PDE4D: variants seen among roughly 807,000 people sequenced by gnomAD.
PDE4D encodes the protein 3',5'-cyclic-AMP phosphodiesterase 4D.
In PDE4D, 24 loss-of-function variants were observed where a neutral mutation model predicts 87.4. That is an observed-to-expected ratio of 0.27 (90% CI 0.20 to 0.39). The LOEUF (loss-of-function observed/expected upper bound fraction) is 0.39, where lower values mean the gene tolerates loss of function less well. Among genes scored for constraint, PDE4D ranks in the 10% least tolerant of loss-of-function variants. PDE4D has a pLI of 1.00. For missense variants in PDE4D, 714 were observed against 1,041.0 expected (o/e 0.69, Z 4.32); for synonymous variants, 384 against 383.2 (o/e 1.00, Z -0.02).
intron 2 of PDE4D, among the ~76,000 whole-genome samples, chr5:60,120,157 CT>C (rs1003444962): frequency 1.3e-5 from 2 of 152,218 alleles, no homozygotes; most frequent in African/African-American, 2.4e-5. Context: ...TATACTATTG[CT>C]TTTTTTAGCT....
At chr5:60,137,588 TC>T (rs1303109016) in intron 2 of PDE4D, among the ~76,000 whole-genome samples, 1 of 152,198 alleles carries the variant, frequency 6.6e-6, no homozygotes, top group Non-Finnish European at 1.5e-5. Context: ...ATGAATGTCT[TC>T]TTTTGAGAAG....
chr5:60,328,216 G>A (rs184354174), intron 1 of PDE4D, among the ~76,000 whole-genome samples: 1 of 152,244 alleles, frequency 6.6e-6, no homozygotes, highest in East Asian at 1.9e-4. Flanking sequence ...AATGGGGTGT[G>A]GTTGGCAGCA....
intron 1 of PDE4D, among the ~76,000 whole-genome samples, chr5:59,474,442 G>C (rs1035601380): frequency 6.6e-6 from 1 of 152,132 alleles, no homozygotes; most frequent in Non-Finnish European, 1.5e-5. Context: ...CACATGGTAA[G>C]ATTGCCCTTA....
intron 1 of PDE4D, among the ~76,000 whole-genome samples, chr5:59,668,709 C>T: frequency 7.5e-6 from 1 of 132,880 alleles, no homozygotes; most frequent in Non-Finnish European, 1.5e-5. Context: ...GAGACCCTGC[C>T]TCAAGAAAAA....
intron 2 of PDE4D, among the ~76,000 whole-genome samples, chr5:59,208,326 G>T (rs534153497): frequency 6.6e-6 from 1 of 152,190 alleles, no homozygotes; most frequent in Non-Finnish European, 1.5e-5. Context: ...TATATGTTTG[G>T]TCAGTTTTCA....
intron 5 of PDE4D, among the ~76,000 whole-genome samples, chr5:59,164,004 T>C (rs1781532829): frequency 6.6e-6 from 1 of 152,220 alleles, no homozygotes; most frequent in South Asian, 2.1e-4. Context: ...TACTTTAACA[T>C]TGTTTCAAAA....
At chr5:59,651,967 T>TA (rs1202129960) in intron 1 of PDE4D, among the ~76,000 whole-genome samples, 2 of 152,210 alleles carry the variant, frequency 1.3e-5, no homozygotes, top group African/African-American at 2.4e-5. Flanking sequence ...CAGCATCTAC[T>TA]ATCAAGTGAC....
intron 1 of PDE4D, among the ~76,000 whole-genome samples, chr5:59,480,817 T>C (rs1005775320): frequency 1.3e-5 from 2 of 152,204 alleles, no homozygotes; most frequent in Non-Finnish European, 2.9e-5. Flanking sequence ...GTGTAGTTCC[T>C]GCCTTTGTGT....
intron 1 of PDE4D, among the ~76,000 whole-genome samples, chr5:59,357,439 G>A (rs1781565626): frequency 6.6e-6 from 1 of 152,114 alleles, no homozygotes; most frequent in Middle Eastern, 3.2e-3. Context: ...TCCACAGGAT[G>A]TAAACAGGAT....
intron 1 of PDE4D, among the ~76,000 whole-genome samples, chr5:59,862,114 C>T (rs1430223534): frequency 6.6e-6 from 1 of 152,148 alleles, no homozygotes; most frequent in African/African-American, 2.4e-5. Context: ...TCTCCTTACT[C>T]CTGAGTGTTA....
chr5:59,771,499 G>GAGAGAGAGAGAAGAAAGAAAGA (rs1554081503), intron 1 of PDE4D, among the ~76,000 whole-genome samples: 1 of 19,728 alleles, frequency 5.1e-5, no homozygotes, highest in Non-Finnish European at 1.2e-4. Flanking sequence ...GAGAGAGAGA[G>GAGAGAGAGAGAAGAAAGAAAGA]AAGAAAGAAA....
chr5:59,064,047 T>A (rs1182656966), intron 5 of PDE4D, among the ~76,000 whole-genome samples: 2 of 151,846 alleles, frequency 1.3e-5, no homozygotes, highest in Non-Finnish European at 1.5e-5. Flanking sequence ...ATTGTTGCTG[T>A]TGTTATTAAG....
intron 11 of PDE4D, among the ~76,000 whole-genome samples, chr5:58,986,437 A>G (rs1398331947): frequency 7.5e-6 from 1 of 134,022 alleles, no homozygotes; most frequent in African/African-American, 2.8e-5. Flanking sequence ...CTGTGGACCA[A>G]TATCGGTCCG....
intron 1 of PDE4D, among the ~76,000 whole-genome samples, chr5:59,463,057 A>T (rs1368202015): frequency 6.6e-6 from 1 of 152,210 alleles, no homozygotes; most frequent in African/African-American, 2.4e-5. Context: ...CATTAAATTC[A>T]ATTATTGACT....
intron 1 of PDE4D, among the ~76,000 whole-genome samples, chr5:59,886,202 A>T (rs193086581): frequency 6.6e-6 from 1 of 152,362 alleles, no homozygotes; most frequent in African/African-American, 2.4e-5. Context: ...TTAAACTGCA[A>T]TTGATAACTG....
chr5:58,993,985 T>C (rs778543152), intron 6 of PDE4D, among the ~76,000 whole-genome samples: 1 of 152,182 alleles, frequency 6.6e-6, no homozygotes, highest in African/African-American at 2.4e-5. Context: ...GAAATGAATA[T>C]ATATACTGAT....
chr5:59,494,783 T>C (rs1456381515), intron 1 of PDE4D, among the ~76,000 whole-genome samples: 4 of 152,196 alleles, frequency 2.6e-5, no homozygotes, highest in East Asian at 1.9e-4. Flanking sequence ...ACCAGCAACG[T>C]ACCTTCCCCG....
chr5:60,285,321 T>C (rs1026940287), intron 1 of PDE4D, among the ~76,000 whole-genome samples: 4 of 144,626 alleles, frequency 2.8e-5, no homozygotes, highest in African/African-American at 8.2e-5. Context: ...TAGAATGTCA[T>C]AGACATTGGT....
chr5:59,405,347 G>A (rs913857242), intron 1 of PDE4D, among the ~76,000 whole-genome samples: 1 of 152,036 alleles, frequency 6.6e-6, no homozygotes, highest in African/African-American at 2.4e-5. Flanking sequence ...TTATAAATGG[G>A]ATTACATTCT....
Sources: allele counts gnomAD v4.1 joint callset (sites outside exome capture counted in the v4.1 genomes callset), GRCh38; gene constraint gnomAD v4.1.1; transcripts MANE v1.5; gene names NCBI Gene and HGNC (gene_info 2026-07-23, HGNC 2026-07-21).